Variants in BIRC6 observed in about 807,000 individuals in gnomAD.
BIRC6 encodes the protein baculoviral IAP repeat containing 6, also known as dual E2 ubiquitin-conjugating enzyme/E3 ubiquitin-protein ligase BIRC6.
In BIRC6, 98 loss-of-function variants were observed where a neutral mutation model predicts 503.3. The ratio of observed to expected loss-of-function variants is 0.19; its 90% CI spans 0.17 to 0.23. BIRC6 has a LOEUF of 0.23. BIRC6 is among the 10% of genes least tolerant of loss of function. BIRC6 has a pLI of 1.00. For missense variants in BIRC6, 5,360 were observed against 5,806.0 expected (o/e 0.92, Z 2.50); for synonymous variants, 2,240 against 2,078.7 (o/e 1.08, Z -2.11).
In BIRC6 at chr2:32,547,942, T is replaced by C; in HGVS notation, c.12903T>C (p.Ala4301=). ...CTGGCTTTGGAACAGGCTCTACAGC[T>C]TCTGGGTGGGATGTGGAACAAGCCT... ...KGTGFGTGST[A]SGWDVEQALT... Residue 4301 remains alanine (A), a synonymous_variant, in exon 64 of 74, where the codon GCT becomes GCC. Coordinates refer to ENST00000421745, the MANE Select transcript of BIRC6 (RefSeq NM_016252.4). 2 of 1,613,730 alleles carry C rather than the reference T, an allele frequency of 1.2e-6. No homozygotes were observed. The highest frequency in any genetic ancestry group is 1.7e-6 in the Non-Finnish European group (2 of 1,179,772).
intron 37 of BIRC6, among the ~76,000 whole-genome samples, chr2:32,480,959 A>G (rs2050334428): frequency 6.6e-6 from 1 of 151,884 alleles, no homozygotes; most frequent in Admixed American, 6.6e-5. Context: ...CATTCTTACA[A>G]CTTCAGTCCT....
intron 6 of BIRC6, among the ~76,000 whole-genome samples, chr2:32,400,579 C>T (rs2040497533): frequency 6.6e-6 from 1 of 152,062 alleles, no homozygotes; most frequent in Non-Finnish European, 1.5e-5. Context: ...CCTCATGATC[C>T]ACCCGCCTCA....
At chr2:32,557,411 T>A (rs567044767) in intron 65 of BIRC6, 3 of 152,324 alleles carry the variant, frequency 2.0e-5, no homozygotes, top group Admixed American at 2.0e-4. Context: ...TGCTGTTGTG[T>A]CTTGTATACG....
chr2:32,368,724 T>C (rs1329483724), intron 1 of BIRC6, among the ~76,000 whole-genome samples: 2 of 151,918 alleles, frequency 1.3e-5, no homozygotes, highest in African/African-American at 4.8e-5. Context: ...TGATCTCAGC[T>C]CACTTCAACG....
At chr2:32,439,411 T>G (rs1318356855) in intron 15 of BIRC6, 97 bp from the exon 16 acceptor site, 1 of 1,219,828 alleles carries the variant, frequency 8.2e-7, no homozygotes, top group African/African-American at 1.5e-5. Context: ...ACTGTACTTT[T>G]TGTGGAGTTA....
chr2:32,473,018 C>CATGT, intron 32 of BIRC6, 94 bp from the exon 33 acceptor site: 1 of 1,045,478 alleles, frequency 9.6e-7, no homozygotes, highest in African/African-American at 1.7e-5. Context: ...ATGATTGACA[C>CATGT]ATGTATAACT....
intron 1 of BIRC6, among the ~76,000 whole-genome samples, chr2:32,363,602 C>T (rs894372725): frequency 2.0e-5 from 3 of 152,012 alleles, no homozygotes; most frequent in African/African-American, 7.3e-5. Context: ...TACCGTTTGT[C>T]TTTTTTATAA....
At chr2:32,488,529 A>G (rs1302027360) in intron 41 of BIRC6, 59 bp from the exon 42 acceptor site, 1 of 1,359,758 alleles carries the variant, frequency 7.4e-7, no homozygotes, top group East Asian at 2.7e-5. Context: ...TTTTGTTTAA[A>G]TTGTATTTCA....
intron 8 of BIRC6, among the ~76,000 whole-genome samples, chr2:32,405,981 A>G (rs1031193963): frequency 2.0e-5 from 3 of 152,172 alleles, no homozygotes; most frequent in Non-Finnish European, 4.4e-5. Flanking sequence ...CATTTATTTA[A>G]TGATTTAAGA....
intron 61 of BIRC6, among the ~76,000 whole-genome samples, chr2:32,533,556 C>T (rs1268083235): frequency 1.3e-5 from 2 of 152,128 alleles, no homozygotes; most frequent in East Asian, 3.9e-4. Context: ...AAGTATAAGC[C>T]AAGAGTGAGG....
intron 45 of BIRC6, among the ~76,000 whole-genome samples, chr2:32,498,104 C>G (rs1267815143): frequency 6.6e-6 from 1 of 152,138 alleles, no homozygotes; most frequent in Non-Finnish European, 1.5e-5. Flanking sequence ...CTCTGTCGCA[C>G]AGGTTGGAGC....
chr2:32,544,909 T>A (rs1228700501), intron 62 of BIRC6, among the ~76,000 whole-genome samples: 1 of 152,002 alleles, frequency 6.6e-6, no homozygotes, highest in Non-Finnish European at 1.5e-5. Flanking sequence ...AGAACCATAT[T>A]TTTTATTGAT....
chr2:32,388,352 A>G (rs1056106157), intron 3 of BIRC6, among the ~76,000 whole-genome samples: 1 of 151,214 alleles, frequency 6.6e-6, no homozygotes, highest in Non-Finnish European at 1.5e-5. Flanking sequence ...ACTGCATTCC[A>G]GCCTGGCGAC....
At chr2:32,605,256 A>T (rs961558941) in intron 71 of BIRC6, among the ~76,000 whole-genome samples, 2 of 151,998 alleles carry the variant, frequency 1.3e-5, no homozygotes, top group Non-Finnish European at 2.9e-5. Flanking sequence ...TCTGCAAAAT[A>T]TTTTATGCTT....
intron 46 of BIRC6, among the ~76,000 whole-genome samples, 175 bp from the exon 47 acceptor site, chr2:32,501,538 A>C: frequency 6.6e-6 from 1 of 151,970 alleles, no homozygotes; most frequent in Non-Finnish European, 1.5e-5. Context: ...GTGACTTTTC[A>C]GCTTCTATAT....
At position 32,523,670 on chromosome 2, in the gene BIRC6, G is replaced by GT. The variant is rs531840094; in HGVS notation, c.11624-1216dup. On this transcript the variant is annotated intron_variant, in intron 57 of 73. Transcript: ENST00000421745. ...ATATACTAAAAACTGTAAAATGAGA[G>GT]TTATTACAAAAGATGTTGTTTATTG... 1.9e-3 allele frequency: 289 copies of GT among 152,324 alleles called. 1 individual carries two copies. Among genetic ancestry groups the GT allele is most frequent in the African/African-American group, 6.8e-3 (282 of 41,570 alleles). 9.4% of individuals were successfully genotyped at this position (152,324 alleles called of 1,614,324 possible). A position where few individuals can be genotyped will look rare whatever the true frequency, so the allele number is the denominator to read the frequency against.
chr2:32,464,370 T>C lies in BIRC6; in HGVS notation c.4942-139T>C, dbSNP rs149300982. 1.2e-3 allele frequency: 1,282 copies of C among 1,093,528 alleles called. 15 individuals are homozygous for C. The East Asian group carries it at 0.024, about 21-fold the overall frequency. The allele number at this position is 1,093,528 out of a possible 1,614,324, so 67.7% of individuals were successfully genotyped here. A position where few individuals can be genotyped will look rare whatever the true frequency, so the allele number is the denominator to read the frequency against. On this transcript the variant is annotated intron_variant, in intron 24 of 73. Coordinates refer to ENST00000421745, the MANE Select transcript of BIRC6 (RefSeq NM_016252.4). ...AAAGCAATGATCCATTTATATCGAG[T>C]CCAGTTTTGATTTAATTTCATCTTT...
chr2:32,415,970 A>G lies in BIRC6; in HGVS notation c.2679A>G (p.Lys893=), dbSNP rs770494471. The G allele has an allele frequency of 6.2e-7, 1 of 1,613,754 alleles. No homozygotes were observed. The highest frequency in any genetic ancestry group is 2.2e-5 in the East Asian group (1 of 44,876). Reference sequence around the variant, plus strand: ...CAAAGAATGGTTTTGAGAGAGAAAAAACGTCTGACATTTCTACTCTTGGAC... The same window carrying G: ...CAAAGAATGGTTTTGAGAGAGAAAAGACGTCTGACATTTCTACTCTTGGAC... The part of the protein sequence containing the change: ...LTSKNGFERE[K]TSDISTLGHL... The change falls in exon 10 of 74, where the codon AAA becomes AAG. Residue 893 remains lysine (K), a synonymous_variant. Coordinates refer to ENST00000421745, the MANE Select transcript of BIRC6 (RefSeq NM_016252.4).
chr2:32,414,962 G>A lies in BIRC6; in HGVS notation c.1671G>A (p.Gln557=). 1 of 1,613,942 alleles carries A rather than the reference G, an allele frequency of 6.2e-7. No individual in the cohort carries two copies. Among genetic ancestry groups the A allele is most frequent in the Non-Finnish European group, 8.5e-7 (1 of 1,179,886 alleles). The change falls in exon 10 of 74, where the codon CAG becomes CAA. Residue 557 remains glutamine (Q), a synonymous_variant. Transcript: ENST00000421745. ...GTGAAAAGACAAAGGAAAAGCACCAGGAGCAACACAACATTCCTTTTCCAT... is the reference window on the plus strand; with the variant it reads ...GTGAAAAGACAAAGGAAAAGCACCAAGAGCAACACAACATTCCTTTTCCAT... ...SKSEKTKEKH[Q]EQHNIPFPCL...
Sources: gnomAD v4.1 joint callset for allele counts (sites outside exome capture counted in the v4.1 genomes callset) on GRCh38, gnomAD v4.1.1 for gene constraint, MANE v1.5 for transcripts, NCBI Gene and HGNC (gene_info 2026-07-23, HGNC 2026-07-21) for gene names.